Variants in PRRX2 observed in about 807,000 individuals in gnomAD.
PRRX2 encodes the protein paired mesoderm homeobox protein 2.
PRRX2 carries 11 observed loss-of-function variants against 18.0 expected under a neutral mutation model. The ratio of observed to expected loss-of-function variants is 0.61; its 90% CI spans 0.39 to 1.01. The LOEUF (loss-of-function observed/expected upper bound fraction) is 1.01. PRRX2 is among the 50% of genes least tolerant of loss of function. The pLI, the probability that PRRX2 is intolerant of heterozygous loss-of-function variation, is 0.01. For missense variants in PRRX2, 387 were observed against 351.0 expected, an observed-to-expected ratio of 1.10 and a Z score of -0.82; for synonymous variants, 177 against 154.8, an observed-to-expected ratio of 1.14 and a Z score of -1.06.
intron 1 of PRRX2, among the ~76,000 whole-genome samples, chr9:129,699,296 C>T (rs1832466427): frequency 6.6e-6 from 1 of 152,078 alleles, no homozygotes; most frequent in South Asian, 2.1e-4. Context: ...TGGTGGTGCG[C>T]ACCTGTAATC....
intron 1 of PRRX2, among the ~76,000 whole-genome samples, chr9:129,677,658 G>A (rs1216472990): frequency 2.0e-5 from 3 of 152,244 alleles, no homozygotes; most frequent in Admixed American, 6.5e-5. Context: ...GGTGACCAGG[G>A]AGGGGCCCTT....
chr9:129,666,084 C>T lies in PRRX2; in HGVS notation c.217C>T (p.Pro73Ser), dbSNP rs1424757865. 1.9e-6 allele frequency: 2 copies of T among 1,035,468 alleles called. No individual in the cohort carries two copies. The highest frequency in any genetic ancestry group is 1.7e-5 in the African/African-American group (1 of 57,328). The allele number at this position is 1,035,468 out of a possible 1,614,324, so 64.1% of individuals were successfully genotyped here. Residue 73 changes from proline to serine, a missense_variant, in exon 1 of 4, where the codon CCG (proline) becomes TCG (serine). Coordinates refer to ENST00000372469, the MANE Select transcript of PRRX2 (RefSeq NM_016307.4). The part of the protein sequence containing the change: ...AEAREGAARE[P>S]SGGSSGSEAA... ...GGCGCGGGAGGGCGCAGCACGGGAG[C>T]CGTCCGGGGGCAGCAGCGGCAGCGA...
rs994213997 is a variant in PRRX2 at position 129,719,239 on chromosome 9, C to A, written c.268C>A (p.Pro90Thr). 1 of 1,593,178 alleles carries A rather than the reference C, an allele frequency of 6.3e-7. No homozygotes were observed. Among genetic ancestry groups the A allele is most frequent in the Admixed American group, 1.7e-5 (1 of 57,894 alleles). ...SEAAPQDGEC[P>T]SPGRGSAAKR... ...CCCCCCAACCTCCGCAGGTGAGTGT[C>A]CCAGCCCGGGGCGCGGTAGCGCCGC... The change falls in exon 2 of 4, where the codon CCC becomes ACC. Residue 90 changes from proline (P) to threonine (T), a missense_variant. Coordinates refer to ENST00000372469, the MANE Select transcript of PRRX2 (RefSeq NM_016307.4).
intron 1 of PRRX2, among the ~76,000 whole-genome samples, chr9:129,687,479 G>A (rs373235660): frequency 1.2e-4 from 18 of 152,282 alleles, no homozygotes; most frequent in East Asian, 5.8e-4. Context: ...GAGGAGCCGC[G>A]TGCCAGAGGA....
chr9:129,720,424 T>TA (rs1832774340), intron 2 of PRRX2, among the ~76,000 whole-genome samples, 172 bp from the exon 3 acceptor site: 1 of 152,208 alleles, frequency 6.6e-6, no homozygotes, highest in African/African-American at 2.4e-5. Flanking sequence ...CTCCAACACA[T>TA]ACCCAGCAGC....
chr9:129,709,632 C>T lies in PRRX2; in HGVS notation c.260-9599C>T. Among the ~76,000 whole-genome samples the T allele has an allele frequency of 6.6e-6, 1 of 152,226 alleles. No homozygotes were observed. Among genetic ancestry groups the T allele is most frequent in the East Asian group, 1.9e-4 (1 of 5,192 alleles). On this transcript the variant is annotated intron_variant, in intron 1 of 3. Transcript: ENST00000372469. This position sits in a 1 kb window ranked among gnomAD's most constrained non-coding sequence, Gnocchi z 4.2. ...GCCCCACTGCGGCTTCCATCATCAC[C>T]TTCCTTCCCGGGATGTGTTTCTCCT...
At chr9:129,670,245 G>A (rs759407432) in intron 1 of PRRX2, among the ~76,000 whole-genome samples, 3 of 151,744 alleles carry the variant, frequency 2.0e-5, no homozygotes, top group Non-Finnish European at 4.4e-5. Flanking sequence ...CTACAGACAC[G>A]TGGGTTGTTC....
chr9:129,670,204 CG>C lies in PRRX2; in HGVS notation c.259+4080del. On this transcript the variant is annotated intron_variant, in intron 1 of 3. Transcript: ENST00000372469. Reference sequence around the variant, plus strand: ...GAAGGCCGAATCACATTCCACTGTACGGATGGACCACATTGTATCCGTTCAC... The same window carrying C: ...GAAGGCCGAATCACATTCCACTGTACGATGGACCACATTGTATCCGTTCAC... Among the ~76,000 whole-genome samples, 2 of 151,620 alleles carry C rather than the reference CG, an allele frequency of 1.3e-5. 1 individual carries two copies. Among genetic ancestry groups the C allele is most frequent in the East Asian group, 3.9e-4 (2 of 5,174 alleles).
At chr9:129,694,083 G>A (rs192706279) in intron 1 of PRRX2, among the ~76,000 whole-genome samples, 1 of 152,298 alleles carries the variant, frequency 6.6e-6, no homozygotes, top group Admixed American at 6.5e-5. Context: ...GTTCTAAGCA[G>A]CTACTAGCAG....
chr9:129,721,082 G>A (rs1832785487), intron 3 of PRRX2, among the ~76,000 whole-genome samples: 1 of 152,246 alleles, frequency 6.6e-6, no homozygotes, highest in Non-Finnish European at 1.5e-5. Flanking sequence ...CGTGTCCACA[G>A]GGGTGTGAGT....
At chr9:129,687,017 ACCTGCAGGGAAGCCC>A (rs1481706827) in intron 1 of PRRX2, among the ~76,000 whole-genome samples, 4 of 152,076 alleles carry the variant, frequency 2.6e-5, no homozygotes, top group Non-Finnish European at 4.4e-5. Flanking sequence ...AGGGACAGCC[ACCTGCAGGGAAGCCC>A]CCTGCAGAGG....
At position 129,695,961 on chromosome 9, in the gene PRRX2, A is replaced by G. The variant is rs1416604678; in HGVS notation, c.260-23270A>G. ...CTTTGATGTGGCCCCATTTCCTTAT[A>G]AAGCCCCCTCTGAGAAGGCGGAAAG... On this transcript the variant is annotated intron_variant, in intron 1 of 3. Coordinates refer to ENST00000372469, the MANE Select transcript of PRRX2 (RefSeq NM_016307.4). This position sits in a 1 kb window ranked among gnomAD's most constrained non-coding sequence, Gnocchi z 4.8. Among the ~76,000 whole-genome samples the G allele has an allele frequency of 6.6e-6, 1 of 152,194 alleles. No homozygotes were observed. Among genetic ancestry groups the G allele is most frequent in the East Asian group, 1.9e-4 (1 of 5,190 alleles).
chr9:129,684,516 ACACACACC>A (rs1239371677), intron 1 of PRRX2, among the ~76,000 whole-genome samples: 881 of 33,672 alleles, frequency 0.026, 12 homozygotes, highest in African/African-American at 0.058. Context: ...ACACACACAC[ACACACACC>A]CACACACACC....
At chr9:129,699,676 G>A (rs750415990) in intron 1 of PRRX2, among the ~76,000 whole-genome samples, 3 of 152,162 alleles carry the variant, frequency 2.0e-5, no homozygotes, top group Middle Eastern at 6.8e-3. Flanking sequence ...CTATGCATCC[G>A]CCCGGAATAA....
intron 1 of PRRX2, among the ~76,000 whole-genome samples, chr9:129,705,277 G>A (rs1377496638): frequency 6.6e-6 from 1 of 152,146 alleles, no homozygotes; most frequent in Non-Finnish European, 1.5e-5. Context: ...CAAAACGCAG[G>A]GGCTGAGGGA....
chr9:129,713,796 A>AATTTATTT (rs574830957), intron 1 of PRRX2, among the ~76,000 whole-genome samples: 243 of 150,960 alleles, frequency 1.6e-3, no homozygotes, highest in African/African-American at 5.7e-3. Flanking sequence ...ATGCCTGGCT[A>AATTTATTT]ATTTATTTAT....
intron 3 of PRRX2, 137 bp from the exon 4 acceptor site, chr9:129,722,080 A>C (rs1832799846): frequency 7.1e-6 from 9 of 1,274,878 alleles, no homozygotes; most frequent in Non-Finnish European, 7.5e-6. Context: ...ACAGCTCCAA[A>C]TCACCCCCAG....
At chr9:129,669,844 G>A (rs1182662479) in intron 1 of PRRX2, among the ~76,000 whole-genome samples, 1 of 151,868 alleles carries the variant, frequency 6.6e-6, no homozygotes, top group Non-Finnish European at 1.5e-5. Flanking sequence ...GATAAAAGAT[G>A]CCTAACATCA....
At chr9:129,687,545 G>A (rs1476291286) in intron 1 of PRRX2, among the ~76,000 whole-genome samples, 1 of 152,228 alleles carries the variant, frequency 6.6e-6, no homozygotes, top group African/African-American at 2.4e-5. Flanking sequence ...TGTACCAGCC[G>A]GCTTCCCTCT....
Sources: allele counts gnomAD v4.1 joint callset (sites outside exome capture counted in the v4.1 genomes callset), GRCh38; gene constraint gnomAD v4.1.1; non-coding constraint Gnocchi (gnomAD v3.1); transcripts MANE v1.5; gene names NCBI Gene and HGNC (gene_info 2026-07-23, HGNC 2026-07-21).